UBE2D2: variants seen among roughly 807,000 people sequenced by gnomAD.
The protein encoded by UBE2D2 is ubiquitin conjugating enzyme E2 D2.
In UBE2D2, 2 loss-of-function variants were observed where a neutral mutation model predicts 24.2. The ratio of observed to expected loss-of-function variants is 0.08; its 90% CI spans 0.03 to 0.26. UBE2D2 has a LOEUF of 0.26. Ranked by LOEUF, UBE2D2 falls within the 10% of genes least tolerant of loss-of-function variation. The pLI is 1.00. For synonymous variants in UBE2D2, 58 were observed against 56.5 expected (o/e 1.03, Z -0.12); for missense variants, 44 against 177.6 (o/e 0.25, Z 4.28).
intron 1 of UBE2D2, among the ~76,000 whole-genome samples, chr5:139,578,887 A>G (rs572241024): frequency 1.3e-5 from 2 of 152,342 alleles, no homozygotes; most frequent in East Asian, 1.9e-4. Context: ...TAAGAAGGAA[A>G]GTATATTTAG....
At chr5:139,585,920 A>G (rs374072420) in intron 1 of UBE2D2, among the ~76,000 whole-genome samples, 36 of 133,216 alleles carry the variant, frequency 2.7e-4, no homozygotes, top group African/African-American at 9.2e-4. Context: ...CTGGCAACAG[A>G]GCGAGACTCT....
chr5:139,530,542 A>C (rs891430694), intron 1 of UBE2D2, among the ~76,000 whole-genome samples: 1 of 152,182 alleles, frequency 6.6e-6, no homozygotes, highest in African/African-American at 2.4e-5. Flanking sequence ...ATACAGTTGC[A>C]AGCTGTTTTA....
At chr5:139,550,613 T>A (rs1030884093) in intron 1 of UBE2D2, among the ~76,000 whole-genome samples, 3 of 152,098 alleles carry the variant, frequency 2.0e-5, no homozygotes, top group Non-Finnish European at 4.4e-5. Context: ...AACTTGCTGC[T>A]GCTCATTCTT....
At chr5:139,576,967 ATTTT>A (rs57930268) in intron 1 of UBE2D2, among the ~76,000 whole-genome samples, 4 of 96,752 alleles carry the variant, frequency 4.1e-5, no homozygotes, top group African/African-American at 1.2e-4. Flanking sequence ...TTTAACTTGA[ATTTT>A]TTTTTTTTTT....
Position 139,623,553 on chromosome 5 carries a change from ATAT to A in UBE2D2, c.398+94_398+96del, listed in dbSNP as rs1486917849. ...TGTTTAAGGGCTGAATATCGGCCAG[ATAT>A]TTAAAGTGAAGTCCTAATATACTCT... On this transcript the variant is annotated intron_variant, in intron 6 of 6. Transcript: ENST00000398733. The A allele has an allele frequency of 3.9e-6, 4 of 1,024,792 alleles. No individual in the cohort carries two copies. The African/African-American group carries it at 6.3e-5, about 16-fold the overall frequency. 63.5% of individuals were successfully genotyped at this position (1,024,792 alleles called of 1,614,324 possible).
At chr5:139,578,218 C>T (rs1011955527) in intron 1 of UBE2D2, among the ~76,000 whole-genome samples, 2 of 152,100 alleles carry the variant, frequency 1.3e-5, no homozygotes, top group African/African-American at 4.8e-5. Context: ...TACCACTGCT[C>T]CTCATCTCCT....
intron 1 of UBE2D2, among the ~76,000 whole-genome samples, chr5:139,551,190 C>T (rs987728146): frequency 1.3e-5 from 2 of 151,960 alleles, no homozygotes; most frequent in Admixed American, 6.6e-5. Flanking sequence ...ACTGAAATTA[C>T]AAAAAATTAG....
intron 1 of UBE2D2, among the ~76,000 whole-genome samples, chr5:139,589,912 G>A (rs1408414534): frequency 2.6e-5 from 4 of 151,984 alleles, no homozygotes; most frequent in Non-Finnish European, 5.9e-5. Flanking sequence ...AGCCTCCCGA[G>A]TAGCTGGGAC....
At chr5:139,591,291 T>C (rs1374040852) in intron 1 of UBE2D2, among the ~76,000 whole-genome samples, 1 of 149,534 alleles carries the variant, frequency 6.7e-6, no homozygotes, top group African/African-American at 2.5e-5. Context: ...CAGCTAACTT[T>C]GTGTTTTTAG....
intron 1 of UBE2D2, among the ~76,000 whole-genome samples, chr5:139,574,620 G>C (rs1038540194): frequency 6.6e-6 from 1 of 151,364 alleles, no homozygotes; most frequent in Admixed American, 6.6e-5. Flanking sequence ...CCCCTATTTA[G>C]ACTGAACTCT....
At position 139,555,410 on chromosome 5, in the gene UBE2D2, TATTTGAAAATA is replaced by T. The variant is rs1254620580; in HGVS notation, c.-64+28809_-64+28819del. On this transcript the variant is annotated intron_variant, in intron 1 of 6. Transcript: ENST00000511725. ...ACATTATTTGAAAATTATTTGAAAT[TATTTGAAAATA>T]ATTTGAAAATTATTTGGAAATAATT... is the stretch of plus-strand genomic sequence containing the variant. 9.2e-5 allele frequency among the ~76,000 whole-genome samples: 14 copies of T among 151,786 alleles called. No individual in the cohort carries two copies. In the South Asian group the frequency reaches 2.7e-3, roughly 29 times the overall value.
intron 5 of UBE2D2, among the ~76,000 whole-genome samples, chr5:139,615,734 G>A (rs190193605): frequency 6.6e-6 from 1 of 151,890 alleles, no homozygotes; most frequent in Admixed American, 6.6e-5. Flanking sequence ...AATGAACTGA[G>A]TGATGTAGTT....
intron 1 of UBE2D2, among the ~76,000 whole-genome samples, chr5:139,548,193 A>AAAATAAATAAAT (rs1388715344): frequency 0.033 from 1,461 of 44,860 alleles, 21 homozygotes; most frequent in South Asian, 0.047. Context: ...ATAAAAAAAA[A>AAAATAAATAAAT]AAATAAATAA....
At chr5:139,548,740 G>A (rs945403089) in intron 1 of UBE2D2, among the ~76,000 whole-genome samples, 12 of 152,064 alleles carry the variant, frequency 7.9e-5, no homozygotes, top group Non-Finnish European at 1.3e-4. Flanking sequence ...TTTTACTAAT[G>A]AGAAAAACCA....
chr5:139,613,439 A>G lies in UBE2D2; in HGVS notation c.89-1147A>G, dbSNP rs530137340. ...TAAAAACTCTGGCTTTTGATCTCTC[A>G]TGATGCACTTAGTAGCATGAGAACA... On this transcript the variant is annotated intron_variant, in intron 2 of 6. Coordinates refer to ENST00000398733, the MANE Select transcript of UBE2D2 (RefSeq NM_003339.3). Among the ~76,000 whole-genome samples the G allele has an allele frequency of 1.1e-4, 17 of 152,302 alleles. No homozygotes were observed. In the East Asian group the frequency reaches 3.1e-3, roughly 28 times the overall value.
chr5:139,571,912 T>C (rs1026334031), intron 1 of UBE2D2, among the ~76,000 whole-genome samples: 1 of 151,610 alleles, frequency 6.6e-6, no homozygotes, highest in East Asian at 1.9e-4. Flanking sequence ...TCCAAACTTA[T>C]CGAAGGTTTT....
chr5:139,602,299 G>T (rs1410510568), intron 2 of UBE2D2, among the ~76,000 whole-genome samples: 1 of 152,194 alleles, frequency 6.6e-6, no homozygotes, highest in Non-Finnish European at 1.5e-5. Flanking sequence ...TGATCCACCT[G>T]CCTTGGCCTC....
intron 1 of UBE2D2, among the ~76,000 whole-genome samples, chr5:139,550,063 A>C (rs1182881012): frequency 6.6e-6 from 1 of 152,070 alleles, no homozygotes. Flanking sequence ...TAAATGCACC[A>C]ATCAGTGCTC....
chr5:139,604,890 A>AT (rs1281053828), intron 2 of UBE2D2, among the ~76,000 whole-genome samples: 3 of 152,156 alleles, frequency 2.0e-5, no homozygotes, highest in Non-Finnish European at 4.4e-5. Context: ...TAAAAAAAAA[A>AT]AAAAAACAAG....
Sources: gnomAD v4.1 joint callset for allele counts (sites outside exome capture counted in the v4.1 genomes callset) on GRCh38, gnomAD v4.1.1 for gene constraint, MANE v1.5 for transcripts, NCBI Gene and HGNC (gene_info 2026-07-23, HGNC 2026-07-21) for gene names.